The following RIC8B variants were observed in gnomAD, a reference collection of about 807,000 sequenced individuals.
RIC8B encodes RIC8 guanine nucleotide exchange factor B, also known as chaperone Ric-8B.
Under a neutral mutation model 57.5 loss-of-function variants are expected in RIC8B, and 16 were observed. The observed-to-expected ratio is 0.28, with a 90% confidence interval of 0.19 to 0.42. The LOEUF is 0.42. Among genes scored for constraint, RIC8B ranks in the 10% least tolerant of loss-of-function variants. The pLI is 1.00. For synonymous variants in RIC8B, 216 were observed against 250.8 expected, an observed-to-expected ratio of 0.86 and a Z score of 1.31; for missense variants, 481 against 677.0, an observed-to-expected ratio of 0.71 and a Z score of 3.21.
Position 106,823,142 on chromosome 12 carries a change from C to T in RIC8B, c.742-2584C>T, listed in dbSNP as rs1464647440. 1.9e-5 allele frequency: 4 copies of T among 206,736 alleles called. No individual in the cohort carries two copies. The East Asian group carries it at 3.2e-4, about 17-fold the overall frequency. The allele number at this position is 206,736 out of a possible 1,614,324, so 12.8% of individuals were successfully genotyped here. On this transcript the variant is annotated intron_variant, in intron 3 of 9. Coordinates refer to ENST00000392837, the MANE Select transcript of RIC8B (RefSeq NM_001330145.2). ...AAATTTATTGATGACCTATTAAACA[C>T]ACACCCTCTTTCCTCATTAAGGTAG...
At position 106,842,992 on chromosome 12, in the gene RIC8B, G is replaced by T. The variant is rs17038803; in HGVS notation, c.1065+175G>T. On this transcript the variant is annotated intron_variant, in intron 5 of 9. Transcript: ENST00000392837. ...AGTTTATTACAATATATGATAAATT[G>T]CTGAAGCCATGTTAATTTATTTGTT... Among the ~76,000 whole-genome samples, 997 of 152,196 alleles carry T rather than the reference G, an allele frequency of 6.6e-3. 13 individuals are homozygous for T. The highest frequency in any genetic ancestry group is 0.023 in the African/African-American group (966 of 41,522).
chr12:106,851,845 T>G (rs1346892371), intron 7 of RIC8B, among the ~76,000 whole-genome samples: 1 of 152,218 alleles, frequency 6.6e-6, no homozygotes, highest in African/African-American at 2.4e-5. Context: ...TTCTGTATCC[T>G]TAACCCAGCC....
At chr12:106,776,862 C>G (rs2043520155) in intron 1 of RIC8B, among the ~76,000 whole-genome samples, 1 of 152,154 alleles carries the variant, frequency 6.6e-6, no homozygotes, top group South Asian at 2.1e-4. Flanking sequence ...TTAGCTCTTT[C>G]AGAAGAAAGC....
intron 9 of RIC8B, among the ~76,000 whole-genome samples, chr12:106,885,223 C>T (rs916851950): frequency 9.9e-5 from 15 of 152,056 alleles, no homozygotes; most frequent in South Asian, 4.1e-4. Flanking sequence ...AGCTGAAAAG[C>T]GGCAGTTGCG....
chr12:106,825,026 C>T (rs1222860019), intron 3 of RIC8B, among the ~76,000 whole-genome samples: 1 of 152,148 alleles, frequency 6.6e-6, no homozygotes, highest in African/African-American at 2.4e-5. Context: ...CATGTGTCTT[C>T]TTAATTATTT....
chr12:106,797,035 G>T (rs780684211), intron 2 of RIC8B, among the ~76,000 whole-genome samples: 3 of 152,170 alleles, frequency 2.0e-5, no homozygotes, highest in Non-Finnish European at 4.4e-5. Context: ...AGAACTGGAA[G>T]AAATCAAAAT....
chr12:106,854,432 G>T (rs774900287), intron 7 of RIC8B, among the ~76,000 whole-genome samples: 2 of 152,110 alleles, frequency 1.3e-5, no homozygotes, highest in Non-Finnish European at 1.5e-5. Flanking sequence ...AGGCTCAAAG[G>T]TCAGACCACT....
At chr12:106,878,073 T>A (rs1043469995) in intron 9 of RIC8B, among the ~76,000 whole-genome samples, 4 of 152,160 alleles carry the variant, frequency 2.6e-5, no homozygotes, top group Admixed American at 2.0e-4. Flanking sequence ...AGCACAATGA[T>A]GAGGGCTGAG....
intron 2 of RIC8B, among the ~76,000 whole-genome samples, chr12:106,789,929 C>CGA (rs1555245018): frequency 7.0e-6 from 1 of 142,714 alleles, no homozygotes; most frequent in African/African-American, 2.6e-5. Flanking sequence ...CAGTGCCCTT[C>CGA]AAAAAAAAAA....
chr12:106,846,300 G>T (rs1250508724), intron 6 of RIC8B, among the ~76,000 whole-genome samples: 1 of 151,938 alleles, frequency 6.6e-6, no homozygotes, highest in Non-Finnish European at 1.5e-5. Context: ...TCAATACGTG[G>T]TACCACCATT....
At chr12:106,803,821 A>G (rs1199710113) in intron 2 of RIC8B, among the ~76,000 whole-genome samples, 1 of 152,214 alleles carries the variant, frequency 6.6e-6, no homozygotes, top group Non-Finnish European at 1.5e-5. Context: ...CACCTTTAAA[A>G]TGTTGCTATT....
At chr12:106,824,075 A>G (rs926173652) in intron 3 of RIC8B, among the ~76,000 whole-genome samples, 2 of 152,200 alleles carry the variant, frequency 1.3e-5, no homozygotes, top group East Asian at 1.9e-4. Context: ...TGTCTCTGTC[A>G]TTCCAGTAGT....
chr12:106,861,076 C>T lies in RIC8B; in HGVS notation c.1451+664C>T, dbSNP rs187078129. On this transcript the variant is annotated intron_variant, in intron 8 of 9. Transcript: ENST00000392837. ...AAACCACCTCTCCTTTCTCCTATTCCCTCTCTATCCTTTCCATCCCACTCG... is the reference window on the plus strand; with the variant it reads ...AAACCACCTCTCCTTTCTCCTATTCTCTCTCTATCCTTTCCATCCCACTCG... Among the ~76,000 whole-genome samples, 3 of 152,194 alleles carry T rather than the reference C, an allele frequency of 2.0e-5. No homozygotes were observed. In the East Asian group the frequency reaches 5.8e-4, roughly 29 times the overall value.
chr12:106,812,189 A>T (rs1210926633), intron 2 of RIC8B, among the ~76,000 whole-genome samples: 13 of 152,222 alleles, frequency 8.5e-5, no homozygotes, highest in Non-Finnish European at 1.9e-4. Context: ...TGGTATGTTC[A>T]AGAACAACTA....
intron 2 of RIC8B, among the ~76,000 whole-genome samples, chr12:106,788,318 T>C (rs908572785): frequency 6.6e-6 from 1 of 152,310 alleles, no homozygotes; most frequent in Admixed American, 6.5e-5. Flanking sequence ...GTGTTCAGTG[T>C]CTGCGGCTCT....
chr12:106,838,623 A>G (rs1303675284), intron 4 of RIC8B, among the ~76,000 whole-genome samples: 1 of 152,118 alleles, frequency 6.6e-6, no homozygotes, highest in Non-Finnish European at 1.5e-5. Flanking sequence ...GGTCTTGGCA[A>G]TGATTTCTTG....
At chr12:106,818,840 C>G (rs2045707654) in intron 3 of RIC8B, among the ~76,000 whole-genome samples, 1 of 152,144 alleles carries the variant, frequency 6.6e-6, no homozygotes, top group Admixed American at 6.5e-5. Flanking sequence ...AATCTTGGCT[C>G]ACGGCAACCT....
chr12:106,874,468 T>C, intron 9 of RIC8B: 1 of 1,549,806 alleles, frequency 6.5e-7, no homozygotes, highest in Non-Finnish European at 8.7e-7. Context: ...CACTTCCTTT[T>C]TTCCATCCAT....
chr12:106,832,232 T>C (rs2046382021), intron 4 of RIC8B, among the ~76,000 whole-genome samples: 2 of 152,216 alleles, frequency 1.3e-5, no homozygotes, highest in Non-Finnish European at 2.9e-5. Context: ...TTTTTCATGG[T>C]ACTTATCACT....
Sources: allele counts gnomAD v4.1 joint callset (sites outside exome capture counted in the v4.1 genomes callset), GRCh38; gene constraint gnomAD v4.1.1; transcripts MANE v1.5; gene names NCBI Gene and HGNC (gene_info 2026-07-23, HGNC 2026-07-21).